LRMDA: variants seen among roughly 807,000 people sequenced by gnomAD.
LRMDA encodes leucine-rich melanocyte differentiation-associated protein.
A neutral mutation model predicts 29.8 loss-of-function variants in LRMDA; 18 were observed. The ratio of observed to expected loss-of-function variants is 0.60; its 90% CI spans 0.42 to 0.90. The LOEUF is 0.90. LRMDA is among the 40% of genes least tolerant of loss of function. The pLI, the probability that LRMDA is intolerant of heterozygous loss-of-function variation, is 0.00. For synonymous variants in LRMDA, 125 were observed against 109.4 expected (o/e 1.14, Z -0.89); for missense variants, 273 against 273.9 (o/e 1.00, Z 0.02).
At chr10:76,335,802 A>G (rs1317574273) in intron 6 of LRMDA, among the ~76,000 whole-genome samples, 2 of 152,196 alleles carry the variant, frequency 1.3e-5, no homozygotes. Context: ...GATGAAGCCT[A>G]CAGGTAGCAG....
intron 2 of LRMDA, among the ~76,000 whole-genome samples, chr10:75,454,480 C>T (rs943570206): frequency 2.0e-5 from 3 of 152,136 alleles, no homozygotes; most frequent in Non-Finnish European, 4.4e-5. Context: ...TATCGTTTTC[C>T]GAGTCCCAAC....
At chr10:76,079,596 T>C (rs893601873) in intron 5 of LRMDA, among the ~76,000 whole-genome samples, 3 of 151,990 alleles carry the variant, frequency 2.0e-5, no homozygotes, top group Admixed American at 1.3e-4. Flanking sequence ...CAACATCCCA[T>C]TATAAAAAGA....
chr10:76,268,436 T>C (rs1840030294), intron 5 of LRMDA, among the ~76,000 whole-genome samples: 1 of 152,186 alleles, frequency 6.6e-6, no homozygotes, highest in African/African-American at 2.4e-5. Context: ...GGATTTCCAT[T>C]TCTTTGGCTT....
intron 2 of LRMDA, among the ~76,000 whole-genome samples, chr10:75,994,712 G>GT (rs1427322871): frequency 1.3e-5 from 2 of 152,164 alleles, no homozygotes; most frequent in Non-Finnish European, 2.9e-5. Context: ...AAGTCACCGT[G>GT]TTTTTTATAT....
intron 2 of LRMDA, among the ~76,000 whole-genome samples, chr10:75,735,425 A>C (rs949430753): frequency 6.6e-6 from 1 of 152,058 alleles, no homozygotes; most frequent in Non-Finnish European, 1.5e-5. Flanking sequence ...TTGAGTCAGA[A>C]ATTCTTTTTA....
intron 2 of LRMDA, among the ~76,000 whole-genome samples, chr10:75,904,702 G>C (rs78390601): frequency 0.034 from 5,168 of 152,208 alleles, 140 homozygotes; most frequent in Non-Finnish European, 0.051. Flanking sequence ...TTTAATCAGC[G>C]CTCTTTGCGG....
At chr10:75,527,900 G>A (rs992296250) in intron 2 of LRMDA, among the ~76,000 whole-genome samples, 4 of 151,522 alleles carry the variant, frequency 2.6e-5, no homozygotes, top group African/African-American at 4.9e-5. Flanking sequence ...CTCTCACTTC[G>A]GCCTCCCAAG....
At chr10:76,332,335 G>A (rs16933339) in intron 6 of LRMDA, among the ~76,000 whole-genome samples, 1,729 of 152,242 alleles carry the variant, frequency 0.011, 117 homozygotes, top group Admixed American at 0.11. Flanking sequence ...AAATCCATAG[G>A]GGTCCATTTC....
intron 5 of LRMDA, among the ~76,000 whole-genome samples, chr10:76,069,271 G>T (rs1383385741): frequency 6.6e-6 from 1 of 152,158 alleles, no homozygotes; most frequent in African/African-American, 2.4e-5. Flanking sequence ...TTGTCCTTGG[G>T]GTCACTGAAG....
At chr10:76,164,843 A>C (rs1850710956) in intron 5 of LRMDA, among the ~76,000 whole-genome samples, 1 of 152,242 alleles carries the variant, frequency 6.6e-6, no homozygotes, top group South Asian at 2.1e-4. Flanking sequence ...GGCACCACTC[A>C]GACCTTGTTT....
intron 6 of LRMDA, among the ~76,000 whole-genome samples, chr10:76,460,154 C>A (rs1015089790): frequency 2.6e-5 from 4 of 152,158 alleles, no homozygotes; most frequent in African/African-American, 9.7e-5. Flanking sequence ...ATATGTTGGT[C>A]AGTGGTTGTG....
At chr10:75,917,585 C>T (rs1845956218) in intron 2 of LRMDA, among the ~76,000 whole-genome samples, 1 of 152,154 alleles carries the variant, frequency 6.6e-6, no homozygotes, top group Non-Finnish European at 1.5e-5. Flanking sequence ...TGACAAATAT[C>T]AACGAATGGA....
Position 76,051,038 on chromosome 10 carries a change from G to T in LRMDA, c.398+3735G>T, listed in dbSNP as rs1445867944. Among the ~76,000 whole-genome samples, 3 of 152,124 alleles carry T rather than the reference G, an allele frequency of 2.0e-5. No homozygotes were observed. The East Asian group carries it at 5.8e-4, about 29-fold the overall frequency. On this transcript the variant is annotated intron_variant, in intron 4 of 6. Coordinates refer to ENST00000611255, the MANE Select transcript of LRMDA (RefSeq NM_001305581.2). ...CTTACAACTTTCAATTATTTAAAAC[G>T]TGACACCCTTTCTTTGTTCCCCTGC...
chr10:75,715,281 A>G (rs920714027), intron 2 of LRMDA, among the ~76,000 whole-genome samples: 8 of 152,176 alleles, frequency 5.3e-5, no homozygotes, highest in Non-Finnish European at 8.8e-5. Context: ...AGTTTGTTAT[A>G]GTTTTGTTTT....
chr10:75,512,661 C>T (rs1463602312), intron 2 of LRMDA, among the ~76,000 whole-genome samples: 1 of 152,030 alleles, frequency 6.6e-6, no homozygotes, highest in Non-Finnish European at 1.5e-5. Flanking sequence ...TCGGAGTTCC[C>T]AGAGGAATGA....
At chr10:76,477,156 C>T (rs144170824) in intron 6 of LRMDA, among the ~76,000 whole-genome samples, 24,823 of 151,836 alleles carry the variant, frequency 0.16, 2,115 homozygotes, top group Admixed American at 0.21. Context: ...AAAACCCCAT[C>T]GTCTCAGCCC....
chr10:76,305,236 G>A (rs955204747), intron 5 of LRMDA, among the ~76,000 whole-genome samples: 2 of 152,150 alleles, frequency 1.3e-5, no homozygotes, highest in Non-Finnish European at 2.9e-5. Context: ...TGGAATAAGA[G>A]AAAAGAGGGC....
chr10:76,223,801 C>T lies in LRMDA; in HGVS notation c.517-100600C>T, dbSNP rs1402133661. Among the ~76,000 whole-genome samples the T allele has an allele frequency of 2.0e-5, 3 of 152,220 alleles. No individual in the cohort carries two copies. In the East Asian group the frequency reaches 5.8e-4, roughly 29 times the overall value. ...TCTGTGGTCCTTTGTTATATCACCT[C>T]ATTTGACTGTGACAGCATCTCTTCG... On this transcript the variant is annotated intron_variant, in intron 5 of 6. Coordinates refer to ENST00000611255, the MANE Select transcript of LRMDA (RefSeq NM_001305581.2).
intron 2 of LRMDA, among the ~76,000 whole-genome samples, chr10:75,514,228 G>T (rs1589165632): frequency 7.3e-6 from 1 of 137,896 alleles, no homozygotes. Context: ...ACTTTTCTTA[G>T]TTTCTTCTTC....
Sources: allele counts gnomAD v4.1 joint callset (sites outside exome capture counted in the v4.1 genomes callset), GRCh38; gene constraint gnomAD v4.1.1; transcripts MANE v1.5; gene names NCBI Gene and HGNC (gene_info 2026-07-23, HGNC 2026-07-21).